The following RPL9 variants were observed in gnomAD, a reference collection of about 807,000 sequenced individuals.
RPL9 encodes the protein large ribosomal subunit protein uL6.
For synonymous variants in RPL9, 82 were observed against 77.1 expected (o/e 1.06, Z -0.33); for missense variants, 149 against 236.7 (o/e 0.63, Z 2.43).
At position 39,457,752 on chromosome 4, in the gene RPL9, ATTACT is replaced by A. The variant is rs1407912319; in HGVS notation, c.163-76_163-72del. On this transcript the variant is annotated intron_variant, in intron 3 of 7. Coordinates refer to ENST00000295955, the MANE Select transcript of RPL9 (RefSeq NM_000661.5). ...TAAAAGACAACAGACCACTTACCGA[ATTACT>A]TTAAGATTCTAGAATTAACCCTTAT... 50 of 1,259,174 alleles carry A rather than the reference ATTACT, an allele frequency of 4.0e-5. 1 individual carries two copies. The Admixed American group carries it at 8.2e-4, about 21-fold the overall frequency. The allele number at this position is 1,259,174 out of a possible 1,614,324, so 78.0% of individuals were successfully genotyped here. A position where few individuals can be genotyped will look rare whatever the true frequency, so the allele number is the denominator to read the frequency against.
chr4:39,457,457 C>A, intron 4 of RPL9, 129 bp downstream of exon 4: 1 of 772,542 alleles, frequency 1.3e-6, no homozygotes, highest in Non-Finnish European at 2.2e-6. Context: ...CCTATTTTTG[C>A]CAAGTTCTTG....
intron 3 of RPL9, 45 bp downstream of exon 3, chr4:39,458,149 C>A: frequency 6.3e-7 from 1 of 1,590,582 alleles, no homozygotes; most frequent in Non-Finnish European, 8.6e-7. Context: ...CTGTTATAAA[C>A]CACCTTCCAA....
chr4:39,457,145 G>T (rs1012352), intron 4 of RPL9: 104,999 of 157,940 alleles, frequency 0.66, 35,348 homozygotes, highest in South Asian at 0.77. Context: ...ATGGTGAGAT[G>T]TGACTACCAA....
At chr4:39,456,321 C>CT in intron 5 of RPL9, 85 bp downstream of exon 5, 2 of 1,477,938 alleles carry the variant, frequency 1.4e-6, no homozygotes, top group Non-Finnish European at 1.9e-6. Flanking sequence ...CAACAGCCAA[C>CT]TAAAGTATGG....
chr4:39,454,460 TAA>T (rs1744008149), intron 7 of RPL9, 71 bp downstream of exon 7: 6 of 1,118,582 alleles, frequency 5.4e-6, no homozygotes, highest in Non-Finnish European at 7.7e-6. Context: ...AAATTCAGTT[TAA>T]GTCTTTTAGT....
Position 39,456,403 on chromosome 4 carries a change from T to C in RPL9, c.391+3A>G. On this transcript the variant is annotated splice_donor_region_variant and intron_variant, in intron 5 of 7. Coordinates refer to ENST00000295955, the MANE Select transcript of RPL9 (RefSeq NM_000661.5). The stretch of plus-strand genomic sequence containing the variant: ...TTAATTCTGTCTGAGGGTATGCACA[T>C]ACCTGGTCTCATCCGAACCCTGCGG... 1 of 1,614,098 alleles carries C rather than the reference T, an allele frequency of 6.2e-7. No individual in the cohort carries two copies. Among genetic ancestry groups the C allele is most frequent in the Non-Finnish European group, 8.5e-7 (1 of 1,179,982 alleles).
chr4:39,455,146 G>A (rs1335535301), intron 5 of RPL9: 3 of 505,174 alleles, frequency 5.9e-6, no homozygotes, highest in South Asian at 2.4e-5. Context: ...TCAGGAGATC[G>A]AAACCATCCT....
chr4:39,455,106 T>G (rs1744034791), intron 5 of RPL9, 162 bp from the exon 6 acceptor site: 1 of 648,496 alleles, frequency 1.5e-6, no homozygotes, highest in Admixed American at 3.3e-5. Context: ...TCTCAGCACT[T>G]TGGGAGGCCG....
At chr4:39,456,964 G>A (rs1365284555) in intron 4 of RPL9, 1 of 171,644 alleles carries the variant, frequency 5.8e-6, no homozygotes, top group Non-Finnish European at 1.3e-5. Flanking sequence ...GATGTACAGG[G>A]TGCCATTATC....
chr4:39,457,435 G>A (rs1385682644), intron 4 of RPL9, 151 bp downstream of exon 4: 3 of 619,984 alleles, frequency 4.8e-6, no homozygotes, highest in Non-Finnish European at 8.6e-6. Flanking sequence ...ATCGCTTAAA[G>A]ACCCACAGAT....
intron 5 of RPL9, chr4:39,455,960 T>C (rs1311053424): frequency 1.3e-5 from 3 of 234,358 alleles, no homozygotes; most frequent in East Asian, 2.4e-4. Context: ...CCACTACTCA[T>C]GTAGTTTTCT....
At chr4:39,456,373 A>C (rs745312472) in intron 5 of RPL9, 33 bp downstream of exon 5, 1 of 1,613,566 alleles carries the variant, frequency 6.2e-7, no homozygotes, top group Non-Finnish European at 8.5e-7. Flanking sequence ...TGAAGGAAAA[A>C]TTTCTTAATT....
chr4:39,454,743 G>C, intron 6 of RPL9, 94 bp from the exon 7 acceptor site: 1 of 1,444,716 alleles, frequency 6.9e-7, no homozygotes, highest in Non-Finnish European at 9.4e-7. Context: ...ATTTCAGAAT[G>C]TGACCTTTTT....
intron 7 of RPL9, 102 bp downstream of exon 7, chr4:39,454,431 C>G (rs909200437): frequency 1.1e-6 from 1 of 882,588 alleles, no homozygotes; most frequent in Admixed American, 3.0e-5. Flanking sequence ...ATGCTTAACT[C>G]TCCATTTTCT....
At chr4:39,456,678 G>A (rs1744099530) in intron 4 of RPL9, 140 bp from the exon 5 acceptor site, 1 of 912,990 alleles carries the variant, frequency 1.1e-6, no homozygotes, top group African/African-American at 1.7e-5. Flanking sequence ...CCTGAACCAA[G>A]CCTTATAAAC....
intron 1 of RPL9, 114 bp from the exon 2 acceptor site, chr4:39,458,554 T>C: frequency 4.3e-6 from 5 of 1,154,502 alleles, no homozygotes; most frequent in Non-Finnish European, 6.3e-6. Flanking sequence ...CCAGACAAGA[T>C]GTCGGAGGAC....
intron 5 of RPL9, chr4:39,456,110 C>T (rs1443958414): frequency 2.5e-6 from 1 of 399,772 alleles, no homozygotes; most frequent in Non-Finnish European, 4.7e-6. Context: ...ATTATATACA[C>T]CTTTTGTAAA....
chr4:39,456,132 T>C (rs542191852), intron 5 of RPL9: 21 of 441,204 alleles, frequency 4.8e-5, no homozygotes, highest in African/African-American at 4.0e-4. Flanking sequence ...TTAAAGTCTT[T>C]TTAAAAGATT....
At chr4:39,456,129 C>CTTTTTA in intron 5 of RPL9, 1 of 434,518 alleles carries the variant, frequency 2.3e-6, no homozygotes, top group Non-Finnish European at 4.3e-6. Flanking sequence ...AATTTAAAGT[C>CTTTTTA]TTTTTAAAAG....
Sources: gnomAD v4.1 joint callset for allele counts on GRCh38, gnomAD v4.1.1 for gene constraint, MANE v1.5 for transcripts, NCBI Gene and HGNC (gene_info 2026-07-23, HGNC 2026-07-21) for gene names.